Variants in DMD observed in about 807,000 individuals in gnomAD.
The protein encoded by DMD is dystrophin.
Under a neutral mutation model 330.1 loss-of-function variants are expected in DMD, and 63 were observed. That is an observed-to-expected ratio of 0.19 (90% CI 0.16 to 0.24). DMD has a LOEUF of 0.24. Among genes scored for constraint, DMD ranks in the 10% least tolerant of loss-of-function variants. DMD has a pLI of 1.00. For synonymous variants in DMD, 1,223 were observed against 959.8 expected (o/e 1.27, Z -5.07); for missense variants, 3,344 against 2,684.1 (o/e 1.25, Z -5.43).
chrX:32,624,517 A>T (rs2058218010), intron 11 of DMD, among the ~76,000 whole-genome samples: 1 of 111,803 alleles, frequency 8.9e-6, no homozygotes, highest in African/African-American at 3.3e-5. Context: ...GATAACAGAC[A>T]TCCTTATGAT....
At chrX:31,135,555 A>G (rs977383481) in intron 76 of DMD, among the ~76,000 whole-genome samples, 4 of 111,871 alleles carry the variant, frequency 3.6e-5, no homozygotes, top group Non-Finnish European at 7.5e-5. Flanking sequence ...TCTGGAAGCA[A>G]AGAAACCTAT....
chrX:31,223,675 G>T (rs2046321602), intron 63 of DMD, among the ~76,000 whole-genome samples: 1 of 111,875 alleles, frequency 8.9e-6, no homozygotes. Context: ...GGATTCAGTG[G>T]CTCATGCCTG....
At chrX:31,187,763 G>C (rs1187071066) in intron 67 of DMD, among the ~76,000 whole-genome samples, 1 of 85,662 alleles carries the variant, frequency 1.2e-5, no homozygotes, top group Non-Finnish European at 2.4e-5. Context: ...GAGAGAGAGA[G>C]AGAGAGAGAG....
rs775654313 is a variant in DMD at position 32,042,470 on chromosome X, C to T, written c.6439-73956G>A. Among the ~76,000 whole-genome samples the T allele has an allele frequency of 4.5e-5, 5 of 110,724 alleles. No homozygotes were observed. In the South Asian group the frequency reaches 1.9e-3, roughly 43 times the overall value. ...ACCATCTGATCTCATGATTCACTAT[C>T]AGGAGAACAGCATGGGCAAAACCAC... On this transcript the variant is annotated intron_variant, in intron 44 of 78. Coordinates refer to ENST00000357033, the MANE Select transcript of DMD (RefSeq NM_004006.3).
rs184032124 is a variant in DMD at position 33,114,254 on chromosome X, T to C, written c.32-94054A>G. Among the ~76,000 whole-genome samples the C allele has an allele frequency of 1.5e-4, 16 of 108,356 alleles. No homozygotes were observed. The East Asian group carries it at 4.7e-3, about 32-fold the overall frequency. 94.1% of individuals were successfully genotyped at this position (108,356 alleles called of 115,157 possible). ...CCTCCCGAGTAGCTGAGATTACAGA[T>C]GCCCACCACCACGCCTGGCTAAATT... On this transcript the variant is annotated intron_variant, in intron 1 of 78. Coordinates refer to ENST00000357033, the MANE Select transcript of DMD (RefSeq NM_004006.3).
chrX:33,169,402 G>C (rs2148694310), intron 1 of DMD, among the ~76,000 whole-genome samples: 1 of 111,395 alleles, frequency 9.0e-6, no homozygotes, highest in East Asian at 2.8e-4. Context: ...GTCTAGATGA[G>C]AGTCTAAACT....
At chrX:32,254,105 G>A (rs778142257) in intron 43 of DMD, among the ~76,000 whole-genome samples, 13 of 111,521 alleles carry the variant, frequency 1.2e-4, no homozygotes, top group Non-Finnish European at 1.9e-4. Flanking sequence ...GCAGTGGCAT[G>A]ATCTTAGCTC....
In DMD at chrX:31,412,878, G is replaced by A. The variant is rs185340294; in HGVS notation, c.9084+31603C>T. 5.4e-5 allele frequency among the ~76,000 whole-genome samples: 6 copies of A among 111,862 alleles called. No homozygotes were observed. In the East Asian group the frequency reaches 1.7e-3, roughly 31 times the overall value. On this transcript the variant is annotated intron_variant, in intron 60 of 78. Coordinates refer to ENST00000357033, the MANE Select transcript of DMD (RefSeq NM_004006.3). Reference sequence around the variant, plus strand: ...TTCCTTACTCAGAGTAAGCTCCACTGTAACACTTGCCCATAGTTCTCTTCT... The same window carrying A: ...TTCCTTACTCAGAGTAAGCTCCACTATAACACTTGCCCATAGTTCTCTTCT...
intron 11 of DMD, among the ~76,000 whole-genome samples, chrX:32,639,760 T>C (rs769810539): frequency 2.7e-5 from 3 of 112,066 alleles, no homozygotes; most frequent in Non-Finnish European, 5.6e-5. Context: ...TTTTTAAATG[T>C]TGCCATTGTG....
At chrX:32,774,628 C>A (rs970494341) in intron 7 of DMD, among the ~76,000 whole-genome samples, 1 of 111,030 alleles carries the variant, frequency 9.0e-6, no homozygotes, top group Non-Finnish European at 1.9e-5. Context: ...ACCATCAGAA[C>A]TTGTGAGAAC....
At chrX:31,504,374 T>C (rs1288563381) in intron 56 of DMD, among the ~76,000 whole-genome samples, 1 of 112,178 alleles carries the variant, frequency 8.9e-6, no homozygotes, top group Non-Finnish European at 1.9e-5. Context: ...TTCAATTTTG[T>C]TTCTTTAAAA....
intron 62 of DMD, among the ~76,000 whole-genome samples, chrX:31,299,601 C>A (rs1430900174): frequency 1.8e-5 from 2 of 109,670 alleles, no homozygotes; most frequent in African/African-American, 6.7e-5. Flanking sequence ...ATTGGTGAAA[C>A]CCTGTCTCTA....
intron 34 of DMD, among the ~76,000 whole-genome samples, chrX:32,373,588 G>C (rs990877726): frequency 8.9e-6 from 1 of 111,968 alleles, no homozygotes; most frequent in African/African-American, 3.2e-5. Context: ...TATGTGTCCT[G>C]AAGTATCTAG....
chrX:33,193,075 G>T (rs766892906), intron 1 of DMD, among the ~76,000 whole-genome samples: 2 of 112,046 alleles, frequency 1.8e-5, no homozygotes, highest in East Asian at 5.6e-4. Flanking sequence ...GGGAGGCTGA[G>T]GTGGGCAGAT....
chrX:31,173,858 T>C (rs1156622343), intron 71 of DMD, among the ~76,000 whole-genome samples: 3 of 111,960 alleles, frequency 2.7e-5, no homozygotes, highest in Non-Finnish European at 3.8e-5. Context: ...AAAATTCCCA[T>C]CGTAGAAAAG....
chrX:32,336,735 G>T (rs1370783800), intron 41 of DMD, among the ~76,000 whole-genome samples: 1 of 112,091 alleles, frequency 8.9e-6, no homozygotes, highest in East Asian at 2.8e-4. Context: ...TAAATGAAAG[G>T]ATATCTAAAT....
chrX:33,145,297 G>A (rs1342806920), intron 1 of DMD, among the ~76,000 whole-genome samples: 1 of 111,680 alleles, frequency 9.0e-6, no homozygotes, highest in Non-Finnish European at 1.9e-5. Flanking sequence ...GTTTTTACAT[G>A]ACTGGTTCCT....
intron 50 of DMD, among the ~76,000 whole-genome samples, chrX:31,798,250 C>G (rs191030159): frequency 9.0e-6 from 1 of 110,837 alleles, no homozygotes; most frequent in East Asian, 2.8e-4. Context: ...CATAAATTTA[C>G]CCAGTGGGTT....
In DMD at chrX:32,700,707, T is replaced by C. The variant is rs145867914; in HGVS notation, c.650-1414A>G. Among the ~76,000 whole-genome samples the C allele has an allele frequency of 1.6e-3, 181 of 111,502 alleles. 1 individual carries two copies. Among genetic ancestry groups the C allele is most frequent in the Middle Eastern group, 4.6e-3 (1 of 216 alleles). ...TTTTAATCATTAATGAATATAAAAA[T>C]CAAAGATAAAAGATAAACATAAATC... is the stretch of plus-strand genomic sequence containing the variant. On this transcript the variant is annotated intron_variant, in intron 7 of 78. Transcript: ENST00000357033.
Sources: gnomAD v4.1 joint callset for allele counts (sites outside exome capture counted in the v4.1 genomes callset) on GRCh38, gnomAD v4.1.1 for gene constraint, MANE v1.5 for transcripts, NCBI Gene and HGNC (gene_info 2026-07-23, HGNC 2026-07-21) for gene names.